The following ATG16L2 variants were observed in gnomAD, a reference collection of about 807,000 sequenced individuals.
The protein encoded by ATG16L2 is autophagy related 16 like 2.
In ATG16L2, 77 loss-of-function variants were observed where a neutral mutation model predicts 84.7. The observed-to-expected ratio is 0.91, with a 90% CI of 0.76 to 1.10. The LOEUF is 1.10. Among genes scored for constraint, ATG16L2 ranks in the 50% least tolerant of loss-of-function variants. The pLI, the probability that ATG16L2 is intolerant of heterozygous loss-of-function variation, is 0.00. For missense variants in ATG16L2, 782 were observed against 817.6 expected (o/e 0.96, Z 0.53); for synonymous variants, 361 against 342.8 (o/e 1.05, Z -0.59).
At chr11:72,821,130 C>G in intron 3 of ATG16L2, 1 of 804,082 alleles carries the variant, frequency 1.2e-6, no homozygotes, top group Non-Finnish European at 1.5e-6. Flanking sequence ...GGCTTGTGCC[C>G]AAATCTCTTA....
chr11:72,825,921 A>G (rs1306841849), intron 10 of ATG16L2, among the ~76,000 whole-genome samples: 1 of 152,064 alleles, frequency 6.6e-6, no homozygotes, highest in African/African-American at 2.4e-5. Flanking sequence ...CGTGCTCTAC[A>G]TAGTCCCTTC....
At chr11:72,840,810 C>A in intron 5 of ATG16L2, 2 of 1,205,116 alleles carry the variant, frequency 1.7e-6, no homozygotes, top group South Asian at 1.2e-5. Flanking sequence ...CACGGGGAAA[C>A]ATTAATTCCT....
Position 72,824,148 on chromosome 11 carries a change from C to T in ATG16L2, c.887+26C>T. 3 of 1,613,934 alleles carry T rather than the reference C, an allele frequency of 1.9e-6. No homozygotes were observed. In the South Asian group the frequency reaches 3.3e-5, roughly 18 times the overall value. ...GTAAGTGTGTGTGTGCCTGTGTGTG[C>T]ACCCACGTGTGTGTCGGGCTCCCCA... On this transcript the variant is annotated intron_variant, in intron 8 of 17. Coordinates refer to ENST00000321297, the MANE Select transcript of ATG16L2 (RefSeq NM_033388.2).
intron 5 of ATG16L2, chr11:72,838,539 C>T (rs556413217): frequency 3.7e-6 from 2 of 535,052 alleles, no homozygotes; most frequent in African/African-American, 1.9e-5. Flanking sequence ...GGCTGCCCCC[C>T]TCTTTGCTCC....
intron 10 of ATG16L2, 84 bp from the exon 11 acceptor site, chr11:72,826,089 C>A: frequency 8.6e-7 from 1 of 1,168,958 alleles, no homozygotes; most frequent in Non-Finnish European, 1.2e-6. Context: ...GGGGCGGGAA[C>A]TGATCTTCCG....
intron 3 of ATG16L2, chr11:72,818,266 T>C (rs1010616872): frequency 3.6e-5 from 6 of 168,654 alleles, no homozygotes; most frequent in African/African-American, 1.4e-4. Flanking sequence ...CACCTGACAC[T>C]ACCGCCTTCC....
At chr11:72,828,240 A>G (rs966701720) in intron 14 of ATG16L2, 119 bp from the exon 15 acceptor site, 1 of 1,151,816 alleles carries the variant, frequency 8.7e-7, no homozygotes, top group Non-Finnish European at 1.2e-6. Flanking sequence ...CCAGCGATCC[A>G]GGGCCCTGGG....
chr11:72,817,033 C>T (rs2135072544), intron 2 of ATG16L2, among the ~76,000 whole-genome samples: 1 of 152,260 alleles, frequency 6.6e-6, no homozygotes, highest in East Asian at 1.9e-4. Context: ...ATCTCTTTCC[C>T]CTCCACCTTT....
At chr11:72,818,088 C>G (rs1177720665) in intron 3 of ATG16L2, 2 of 541,012 alleles carry the variant, frequency 3.7e-6, no homozygotes, top group African/African-American at 3.8e-5. Context: ...TGTGCAAGGG[C>G]CTGGCAGCCC....
At chr11:72,837,700 C>T (rs546892677) in intron 5 of ATG16L2, 13 of 152,326 alleles carry the variant, frequency 8.5e-5, no homozygotes, top group Admixed American at 8.5e-4. Flanking sequence ...ATCCTTCAGT[C>T]CTTTCTCATA....
intron 2 of ATG16L2, among the ~76,000 whole-genome samples, chr11:72,817,312 T>C (rs1198981656): frequency 6.6e-6 from 1 of 152,000 alleles, no homozygotes; most frequent in Non-Finnish European, 1.5e-5. Flanking sequence ...CTCAGCTCAC[T>C]GCAACCTCTG....
In ATG16L2 at chr11:72,814,497, A is replaced by G; in HGVS notation, c.52A>G (p.Ile18Val). 1.3e-6 allele frequency: 2 copies of G among 1,544,688 alleles called. No homozygotes were observed. Among genetic ancestry groups the G allele is most frequent in the Non-Finnish European group, 1.7e-6 (2 of 1,143,636 alleles). ...GAPAARWKRH[I>V]VRQLRLRDRT... ...CCCCGCAGCGCGCTGGAAACGCCAC[A>G]TCGTGCGGCAGCTGCGGCTTCGGGA... is the stretch of plus-strand genomic sequence containing the variant. Residue 18 changes from isoleucine (I) to valine (V), a missense_variant, in exon 1 of 18, where the codon ATC becomes GTC. Coordinates refer to ENST00000321297, the MANE Select transcript of ATG16L2 (RefSeq NM_033388.2).
chr11:72,820,737 G>A (rs1433047656), intron 3 of ATG16L2, among the ~76,000 whole-genome samples: 3 of 152,138 alleles, frequency 2.0e-5, no homozygotes, highest in Non-Finnish European at 1.5e-5. Context: ...AGAGCCCCCA[G>A]CCTTGGCCTG....
At chr11:72,830,468 C>CA (rs1398300247), downstream of ATG16L2, among the ~76,000 whole-genome samples, 1 of 152,166 alleles carries the variant, frequency 6.6e-6, no homozygotes, top group African/African-American at 2.4e-5. Context: ...CTTTCCCTTA[C>CA]TATGGCCAGA....
intron 7 of ATG16L2, 45 bp from the exon 8 acceptor site, chr11:72,824,015 C>T (rs756981735): frequency 1.9e-6 from 3 of 1,606,936 alleles, no homozygotes; most frequent in Admixed American, 1.7e-5. Flanking sequence ...CATTTGTACA[C>T]ACACCAGCCA....
downstream of ATG16L2, among the ~76,000 whole-genome samples, chr11:72,833,845 C>T (rs958546423): frequency 6.6e-6 from 1 of 151,952 alleles, no homozygotes; most frequent in African/African-American, 2.4e-5. Flanking sequence ...ATCGCTTGAA[C>T]CCAGGAGGCA....
Position 72,826,323 on chromosome 11 carries a change from A to G in ATG16L2, c.1173+80A>G, listed in dbSNP as rs544942684. ...GGGCAGGTGGGGGCTGTGGGACCTG[A>G]GGGCGCAACATGGATACCCTAGAAC... On this transcript the variant is annotated intron_variant, in intron 11 of 17. Coordinates refer to ENST00000321297, the MANE Select transcript of ATG16L2 (RefSeq NM_033388.2). The G allele has an allele frequency of 4.3e-4, 643 of 1,504,144 alleles. 6 individuals are homozygous for G. The South Asian group carries it at 5.9e-3, about 14-fold the overall frequency. The allele number at this position is 1,504,144 out of a possible 1,614,324, so 93.2% of individuals were successfully genotyped here.
chr11:72,814,897 G>C lies in ATG16L2; in HGVS notation c.118+334G>C, dbSNP rs11235601. Among the ~76,000 whole-genome samples the C allele has an allele frequency of 3.6e-3, 549 of 152,140 alleles. 8 individuals carry two copies. Among genetic ancestry groups the C allele is most frequent in the African/African-American group, 0.013 (525 of 41,540 alleles). ...CCTCCCCACCCGGGCAGTCCCCGGG[G>C]TAGGGGCTTGATCAGTGCACTTAGT... On this transcript the variant is annotated intron_variant, in intron 1 of 17. Coordinates refer to ENST00000321297, the MANE Select transcript of ATG16L2 (RefSeq NM_033388.2).
At position 72,826,693 on chromosome 11, in the gene ATG16L2, CGGG is replaced by C; in HGVS notation, c.1246-8_1246-6del. 6.2e-7 allele frequency: 1 copy of C among 1,614,078 alleles called. No homozygotes were observed. Among genetic ancestry groups the C allele is most frequent in the Non-Finnish European group, 8.5e-7 (1 of 1,180,004 alleles). On this transcript the variant is annotated splice_polypyrimidine_tract_variant and splice_region_variant and intron_variant, in intron 12 of 17. Transcript: ENST00000321297. ...CAAACTCTTGATCCGTACCTGGGGC[CGGG>C]GTACAGGAGACACTGTCTGGACACA... is the stretch of plus-strand genomic sequence containing the variant.
Sources: gnomAD v4.1 joint callset for allele counts (sites outside exome capture counted in the v4.1 genomes callset) on GRCh38, gnomAD v4.1.1 for gene constraint, MANE v1.5 for transcripts, NCBI Gene and HGNC (gene_info 2026-07-23, HGNC 2026-07-21) for gene names.